The following PHC2 variants were observed in gnomAD, a reference collection of about 807,000 sequenced individuals.
PHC2 encodes the protein polyhomeotic-like protein 2.
A neutral mutation model predicts 87.4 loss-of-function variants in PHC2; 29 were observed. The observed-to-expected ratio is 0.33, with a 90% CI of 0.25 to 0.45. The LOEUF is 0.45. Ranked by LOEUF, PHC2 falls within the 20% of genes least tolerant of loss-of-function variation. The probability of loss-of-function intolerance (pLI) is 1.00; values close to 1 mark genes in which losing one functional copy is unlikely to be tolerated. For synonymous variants in PHC2, 438 were observed against 461.7 expected (o/e 0.95, Z 0.66); for missense variants, 857 against 1,136.7 (o/e 0.75, Z 3.54).
chr1:33,328,873 G>C lies in PHC2; in HGVS notation c.2422C>G (p.Pro808Ala). The change falls in exon 14 of 15, where the codon CCA (proline) becomes GCA (alanine). Residue 808 changes from proline (P) to alanine (A), a missense_variant. Pro to Ala is a conservative substitution (Grantham distance 27, BLOSUM62 -1). Transcript: ENST00000683057. ...ATGGAATTTCCAAGGGCCTTACCTG[G>C]CAGAGAGCGGATGAATTCGTAGACG... ...EDVYEFIRSL[P>A]GCQEIAEEFR... The C allele has an allele frequency of 6.2e-7, 1 of 1,604,088 alleles. No individual in the cohort carries two copies. The highest frequency in any genetic ancestry group is 1.3e-5 in the African/African-American group (1 of 74,838).
chr1:33,352,090 A>G (rs1168108104), intron 9 of PHC2, among the ~76,000 whole-genome samples: 1 of 152,148 alleles, frequency 6.6e-6, no homozygotes, highest in African/African-American at 2.4e-5. Context: ...GTATATCACC[A>G]TGATTAGATT....
intron 7 of PHC2, 35 bp from the exon 8 acceptor site, chr1:33,355,288 T>G (rs771350658): frequency 1.3e-6 from 2 of 1,510,738 alleles, no homozygotes; most frequent in East Asian, 4.6e-5. Context: ...AGAGCATGGC[T>G]TGACCTTCTC....
At chr1:33,335,214 G>A (rs1646602278) in intron 9 of PHC2, 5 of 985,260 alleles carry the variant, frequency 5.1e-6, no homozygotes, top group Middle Eastern at 5.2e-4. Flanking sequence ...ACTTCAAACA[G>A]CATCTCTCAT....
In PHC2 at chr1:33,332,967, T is replaced by G. The variant is rs1255989622; in HGVS notation, c.1762-563A>C. On this transcript the variant is annotated intron_variant, in intron 10 of 14. Coordinates refer to ENST00000683057, the MANE Select transcript of PHC2 (RefSeq NM_001385109.1). The surrounding 1 kb of genome is among the most constrained non-coding windows in gnomAD (Gnocchi z 4.2). The stretch of plus-strand genomic sequence containing the variant: ...ACCCCAGAGCAGCTTATTTACGCGT[T>G]TAGATCTCCTTTTGTGGCCTGTGTT... Among the ~76,000 whole-genome samples, 1 of 152,104 alleles carries G rather than the reference T, an allele frequency of 6.6e-6. No individual in the cohort carries two copies. Among genetic ancestry groups the G allele is most frequent in the Non-Finnish European group, 1.5e-5 (1 of 68,002 alleles).
chr1:33,350,654 A>G (rs1246857944), intron 9 of PHC2, among the ~76,000 whole-genome samples: 6 of 152,174 alleles, frequency 3.9e-5, no homozygotes, highest in Admixed American at 3.9e-4. Flanking sequence ...TCTGTTCCCA[A>G]CATGGTCCCA....
chr1:33,372,177 G>C (rs1570494789), intron 3 of PHC2, 112 bp downstream of exon 3: 6 of 1,079,048 alleles, frequency 5.6e-6, no homozygotes, highest in Middle Eastern at 3.1e-4. Context: ...ACTTCTTTAG[G>C]TTGCAGGTAA....
At chr1:33,418,801 T>A (rs1414372339) in intron 1 of PHC2, among the ~76,000 whole-genome samples, 11 of 152,192 alleles carry the variant, frequency 7.2e-5, no homozygotes, top group Admixed American at 7.2e-4. Context: ...GAAAAAATAT[T>A]AAAGATAAAG....
chr1:33,337,749 G>T (rs1232114494), intron 9 of PHC2, among the ~76,000 whole-genome samples: 1 of 152,132 alleles, frequency 6.6e-6, no homozygotes, highest in South Asian at 2.1e-4. Context: ...ACATAAAAAG[G>T]CTACAAATTC....
At position 33,331,663 on chromosome 1, in the gene PHC2, G is replaced by A; in HGVS notation, c.1892-201C>T. The A allele has an allele frequency of 2.1e-6, 1 of 474,502 alleles. No individual in the cohort carries two copies. Among genetic ancestry groups the A allele is most frequent in the South Asian group, 4.2e-5 (1 of 23,806 alleles). 29.4% of individuals were successfully genotyped at this position (474,502 alleles called of 1,614,324 possible). A position where few individuals can be genotyped will look rare whatever the true frequency, so the allele number is the denominator to read the frequency against. On this transcript the variant is annotated intron_variant, in intron 11 of 14. Transcript: ENST00000683057. The surrounding 1 kb of genome is among the most constrained non-coding windows in gnomAD (Gnocchi z 5.2). Reference sequence around the variant, plus strand: ...TCAAGGGTGTCTGGGGATGCCCCTTGTAGACTTGACATTTTTTTCTTCCAC... The same window carrying A: ...TCAAGGGTGTCTGGGGATGCCCCTTATAGACTTGACATTTTTTTCTTCCAC...
Position 33,326,862 on chromosome 1 carries a change from T to C in PHC2, c.2426-1843A>G, listed in dbSNP as rs538324656. On this transcript the variant is annotated intron_variant, in intron 14 of 14. Transcript: ENST00000683057. ...AGCTACTCAAGAGGCTGAGGCAGAATTGCTTGAACCCAGGAGGCGGAGGTT... is the reference window on the plus strand; with the variant it reads ...AGCTACTCAAGAGGCTGAGGCAGAACTGCTTGAACCCAGGAGGCGGAGGTT... Among the ~76,000 whole-genome samples, 3 of 152,206 alleles carry C rather than the reference T, an allele frequency of 2.0e-5. No homozygotes were observed. In the South Asian group the frequency reaches 6.2e-4, roughly 32 times the overall value.
intron 1 of PHC2, among the ~76,000 whole-genome samples, chr1:33,385,799 A>AT (rs71006398): frequency 0.013 from 1,904 of 148,150 alleles, 33 homozygotes; most frequent in Middle Eastern, 0.024. Flanking sequence ...CAGAATAAAA[A>AT]TTTTTTTTTT....
rs1439720548 is a variant in PHC2, at chr1:33,364,333, C to T, written c.976+2783G>A. ...TCCAATAACAAACAAAAAATGTGTGCGCGCTCGCTTGCTTTCTCTCTCCCA... is the reference window on the plus strand; with the variant it reads ...TCCAATAACAAACAAAAAATGTGTGTGCGCTCGCTTGCTTTCTCTCTCCCA... On this transcript the variant is annotated intron_variant, in intron 7 of 14. Transcript: ENST00000683057. The surrounding 1 kb of genome is among the most constrained non-coding windows in gnomAD (Gnocchi z 4.1). 6.6e-6 allele frequency among the ~76,000 whole-genome samples: 1 copy of T among 151,806 alleles called. No homozygotes were observed. The highest frequency in any genetic ancestry group is 2.4e-5 in the African/African-American group (1 of 41,314).
At chr1:33,400,552 C>T (rs1649481841) in intron 1 of PHC2, among the ~76,000 whole-genome samples, 2 of 152,178 alleles carry the variant, frequency 1.3e-5, no homozygotes, top group South Asian at 4.1e-4. Flanking sequence ...GGCATTGCTA[C>T]TTTGACCATA....
rs34902529 is a variant in PHC2 at position 33,364,359 on chromosome 1, G to GACAC, written c.976+2753_976+2756dup. The stretch of plus-strand genomic sequence containing the variant: ...GCGCTCGCTTGCTTTCTCTCTCCCA[G>GACAC]ACACACACACACACACACACACACT... On this transcript the variant is annotated intron_variant, in intron 7 of 14. Transcript: ENST00000683057. The surrounding 1 kb of genome is among the most constrained non-coding windows in gnomAD (Gnocchi z 4.1). Among the ~76,000 whole-genome samples the GACAC allele has an allele frequency of 3.3e-4, 48 of 145,828 alleles. No individual in the cohort carries two copies. Among genetic ancestry groups the GACAC allele is most frequent in the Middle Eastern group, 3.5e-3 (1 of 284 alleles).
At chr1:33,397,993 A>T (rs184320189) in intron 1 of PHC2, among the ~76,000 whole-genome samples, 3 of 152,246 alleles carry the variant, frequency 2.0e-5, no homozygotes, top group Admixed American at 6.5e-5. Context: ...AATACTTAAA[A>T]ATTAATTGTT....
chr1:33,386,758 TACAC>T (rs1648775069), intron 1 of PHC2, among the ~76,000 whole-genome samples: 2 of 151,770 alleles, frequency 1.3e-5, no homozygotes, highest in Middle Eastern at 3.4e-3. Flanking sequence ...ACATAACACA[TACAC>T]AAAGCACACA....
Position 33,370,537 on chromosome 1 carries a change from G to T in PHC2, c.460C>A (p.Gln154Lys), listed in dbSNP as rs369513931. 22 of 1,613,910 alleles carry T rather than the reference G, an allele frequency of 1.4e-5. No individual in the cohort carries two copies. Among genetic ancestry groups the T allele is most frequent in the Non-Finnish European group, 1.8e-5 (21 of 1,179,922 alleles). Residue 154 changes from glutamine to lysine, a missense_variant, in exon 5 of 15, where the codon CAG (glutamine) becomes AAG (lysine). Transcript: ENST00000683057. The part of the protein sequence containing the change: ...PAAAQLLNRA[Q>K]SVNSAAASGI... The stretch of plus-strand genomic sequence containing the variant: ...GAGGCTGCTGCAGAGTTCACACTCT[G>T]GGCCCGGTTGAGGAGCTGGGCTGCT...
Position 33,331,525 on chromosome 1 carries a change from C to G in PHC2, c.1892-63G>C, listed in dbSNP as rs932063480. 2.1e-6 allele frequency: 2 copies of G among 945,268 alleles called. No individual in the cohort carries two copies. Among genetic ancestry groups the G allele is most frequent in the Non-Finnish European group, 3.4e-6 (2 of 584,814 alleles). 58.6% of individuals were successfully genotyped at this position (945,268 alleles called of 1,614,324 possible). The stretch of plus-strand genomic sequence containing the variant: ...AATTCCTGCAGGACTGTGGCCAGCC[C>G]CACCACGGGGCCTCCCTACTCCATC... On this transcript the variant is annotated intron_variant, in intron 11 of 14. Coordinates refer to ENST00000683057, the MANE Select transcript of PHC2 (RefSeq NM_001385109.1). This position sits in a 1 kb window ranked among gnomAD's most constrained non-coding sequence, Gnocchi z 5.2.
At chr1:33,348,543 C>A (rs1310557407) in intron 9 of PHC2, among the ~76,000 whole-genome samples, 1 of 152,164 alleles carries the variant, frequency 6.6e-6, no homozygotes, top group Non-Finnish European at 1.5e-5. Flanking sequence ...GATACTCAGG[C>A]TGATGGACAA....
Sources: gnomAD v4.1 joint callset for allele counts (sites outside exome capture counted in the v4.1 genomes callset) on GRCh38, gnomAD v4.1.1 for gene constraint, Gnocchi (gnomAD v3.1) non-coding constraint, MANE v1.5 for transcripts, NCBI Gene and HGNC (gene_info 2026-07-23, HGNC 2026-07-21) for gene names.